METAP2: variants seen among roughly 807,000 people sequenced by gnomAD.
METAP2 encodes the protein methionyl aminopeptidase 2.
A neutral mutation model predicts 59.4 loss-of-function variants in METAP2; 25 were observed. The ratio of observed to expected loss-of-function variants is 0.42; its 90% confidence interval spans 0.31 to 0.59. The LOEUF (loss-of-function observed/expected upper bound fraction) is 0.59, where lower values mean the gene tolerates loss of function less well. METAP2 is among the 20% of genes least tolerant of loss of function. The pLI, the probability that METAP2 is intolerant of heterozygous loss-of-function variation, is 0.16. For synonymous variants in METAP2, 214 were observed against 194.1 expected, an observed-to-expected ratio of 1.10 and a Z score of -0.85; for missense variants, 366 against 581.2, an observed-to-expected ratio of 0.63 and a Z score of 3.81.
rs867365535 is a variant in METAP2 at position 95,511,877 on chromosome 12, C to A, written c.965-18C>A. 1.3e-6 allele frequency: 2 copies of A among 1,547,390 alleles called. No individual in the cohort carries two copies. The highest frequency in any genetic ancestry group is 1.8e-6 in the Non-Finnish European group (2 of 1,125,982). On this transcript the variant is annotated intron_variant, in intron 8 of 10. Transcript: ENST00000323666. ...TTGAGATCCTGAATGACTTTTATTTCCCTATTTTTTATAACAGTGAAACCA... is the reference window on the plus strand; with the variant it reads ...TTGAGATCCTGAATGACTTTTATTTACCTATTTTTTATAACAGTGAAACCA...
intron 2 of METAP2, among the ~76,000 whole-genome samples, chr12:95,481,427 C>A (rs1190229927): frequency 6.6e-6 from 1 of 152,098 alleles, no homozygotes; most frequent in Non-Finnish European, 1.5e-5. Flanking sequence ...ACCAAAAAAA[C>A]CAACCATCTC....
intron 9 of METAP2, among the ~76,000 whole-genome samples, chr12:95,512,503 G>A (rs187677120): frequency 6.6e-6 from 1 of 152,290 alleles, no homozygotes; most frequent in East Asian, 1.9e-4. Flanking sequence ...AGTGAGGTCA[G>A]GAGTTTGAGA....
intron 8 of METAP2, among the ~76,000 whole-genome samples, chr12:95,509,138 A>G (rs781560714): frequency 4.6e-5 from 7 of 152,228 alleles, no homozygotes; most frequent in Non-Finnish European, 1.0e-4. Context: ...CTGCATAAGT[A>G]AAAAATGAAT....
At chr12:95,492,196 C>A (rs930840431) in intron 4 of METAP2, among the ~76,000 whole-genome samples, 1 of 150,594 alleles carries the variant, frequency 6.6e-6, no homozygotes, top group Non-Finnish European at 1.5e-5. Flanking sequence ...AGACAGGGTC[C>A]CACTGTGTCA....
At chr12:95,491,759 C>G (rs917500661) in intron 4 of METAP2, among the ~76,000 whole-genome samples, 1 of 151,354 alleles carries the variant, frequency 6.6e-6, no homozygotes, top group Non-Finnish European at 1.5e-5. Flanking sequence ...CAGTCTGTCC[C>G]CCTTGCCCTC....
At position 95,513,895 on chromosome 12, in the gene METAP2, T is replaced by C. The variant is rs762725604; in HGVS notation, c.1428T>C (p.Asp476=). Reference sequence around the variant, plus strand: ...GTAAAGAAGTTGTCAGCAGAGGAGATGACTATTAAACTTAGTCCAAAGCCA... The same window carrying C: ...GTAAAGAAGTTGTCAGCAGAGGAGACGACTATTAAACTTAGTCCAAAGCCA... ...PTCKEVVSRG[D]DY is the part of the protein sequence containing the mutation. Residue 476 remains aspartate (D), a synonymous_variant, in exon 11 of 11, where the codon GAT becomes GAC. Transcript: ENST00000323666. 3.7e-6 allele frequency: 6 copies of C among 1,613,320 alleles called. No individual in the cohort carries two copies. The East Asian group carries it at 1.3e-4, about 36-fold the overall frequency.
intron 8 of METAP2, among the ~76,000 whole-genome samples, chr12:95,508,544 G>A (rs1027361540): frequency 6.6e-6 from 1 of 152,176 alleles, no homozygotes; most frequent in African/African-American, 2.4e-5. Flanking sequence ...AGTACACACT[G>A]TAGCAGTCTG....
intron 7 of METAP2, among the ~76,000 whole-genome samples, chr12:95,498,815 T>C (rs889669755): frequency 1.3e-5 from 2 of 152,050 alleles, no homozygotes; most frequent in Non-Finnish European, 2.9e-5. Flanking sequence ...GTAGTTAAAG[T>C]CTAGCCTGGG....
chr12:95,490,980 A>T (rs1013610025), intron 4 of METAP2, among the ~76,000 whole-genome samples: 3 of 151,944 alleles, frequency 2.0e-5, no homozygotes, highest in Non-Finnish European at 2.9e-5. Context: ...AGTGATTATG[A>T]CCTTCACATT....
intron 7 of METAP2, among the ~76,000 whole-genome samples, chr12:95,501,709 G>A (rs549090817): frequency 5.4e-5 from 8 of 147,578 alleles, no homozygotes; most frequent in Non-Finnish European, 1.0e-4. Flanking sequence ...GCAAAACTCC[G>A]TTTCAAAAAG....
intron 4 of METAP2, among the ~76,000 whole-genome samples, chr12:95,491,498 C>T (rs190490235): frequency 2.6e-4 from 39 of 152,218 alleles, no homozygotes; most frequent in Admixed American, 7.2e-4. Flanking sequence ...GTGATACATG[C>T]ATACATTTTA....
chr12:95,478,661 A>G (rs2076138125), intron 2 of METAP2, among the ~76,000 whole-genome samples: 1 of 152,062 alleles, frequency 6.6e-6, no homozygotes, highest in Non-Finnish European at 1.5e-5. Flanking sequence ...AAGAAAACTA[A>G]GGATGTGGTA....
rs200012424 is a variant in METAP2, at chr12:95,515,023, C to T, written c.*1119C>T. 6.6e-6 allele frequency: 1 copy of T among 152,612 alleles called. No individual in the cohort carries two copies. Among genetic ancestry groups the T allele is most frequent in the Non-Finnish European group, 1.5e-5 (1 of 68,028 alleles). 9.5% of individuals were successfully genotyped at this position (152,612 alleles called of 1,614,324 possible). A position where few individuals can be genotyped will look rare whatever the true frequency, so the allele number is the denominator to read the frequency against. On this transcript the variant is annotated 3_prime_UTR_variant, in exon 11 of 11. Coordinates refer to ENST00000323666, the MANE Select transcript of METAP2 (RefSeq NM_006838.4). ...CTGAGGCCCACTACTGATTCTTTGA[C>T]AAATTGAATTCTTATATTTAAATAA...
chr12:95,487,587 C>T (rs941657258), intron 4 of METAP2, among the ~76,000 whole-genome samples: 2 of 119,318 alleles, frequency 1.7e-5, no homozygotes, highest in African/African-American at 3.4e-5. Context: ...AATATAATCT[C>T]TTAATTTTTT....
At chr12:95,501,715 A>G (rs1035759089) in intron 7 of METAP2, among the ~76,000 whole-genome samples, 6 of 151,576 alleles carry the variant, frequency 4.0e-5, no homozygotes, top group African/African-American at 4.8e-5. Context: ...CTCCGTTTCA[A>G]AAAGAAAAAA....
At chr12:95,507,319 G>A (rs1371005887) in intron 8 of METAP2, among the ~76,000 whole-genome samples, 1 of 152,210 alleles carries the variant, frequency 6.6e-6, no homozygotes, top group African/African-American at 2.4e-5. Context: ...CCCCAATTCT[G>A]GGATTAGTGC....
Position 95,515,059 on chromosome 12 carries a change from A to C in METAP2, c.*1155A>C. ...CTTATATTTAAATAATTTTATGGGA[A>C]TGTTCCATCATAATTTCTAAATCAT... is the stretch of plus-strand genomic sequence containing the variant. On this transcript the variant is annotated 3_prime_UTR_variant, in exon 11 of 11. Coordinates refer to ENST00000323666, the MANE Select transcript of METAP2 (RefSeq NM_006838.4). 6.6e-6 allele frequency: 1 copy of C among 152,642 alleles called. No individual in the cohort carries two copies. Among genetic ancestry groups the C allele is most frequent in the East Asian group, 1.9e-4 (1 of 5,204 alleles). 9.5% of individuals were successfully genotyped at this position (152,642 alleles called of 1,614,324 possible).
At chr12:95,510,339 G>A (rs2076393454) in intron 8 of METAP2, among the ~76,000 whole-genome samples, 1 of 152,170 alleles carries the variant, frequency 6.6e-6, no homozygotes, top group Admixed American at 6.5e-5. Flanking sequence ...AATTTATAAA[G>A]AACAGAAATT....
At chr12:95,507,251 A>G (rs964313864) in intron 8 of METAP2, among the ~76,000 whole-genome samples, 1 of 152,238 alleles carries the variant, frequency 6.6e-6, no homozygotes, top group Non-Finnish European at 1.5e-5. Flanking sequence ...AAATTGTGTG[A>G]TAGTGCCTGG....
Sources: allele counts gnomAD v4.1 joint callset (sites outside exome capture counted in the v4.1 genomes callset), GRCh38; gene constraint gnomAD v4.1.1; transcripts MANE v1.5; gene names NCBI Gene and HGNC (gene_info 2026-07-23, HGNC 2026-07-21).